Variants in RBM19 observed in about 807,000 individuals in gnomAD.
The protein encoded by RBM19 is RNA binding motif protein 19, also known as probable RNA-binding protein 19.
Under a neutral mutation model 116.8 loss-of-function variants are expected in RBM19, and 94 were observed. That is an observed-to-expected ratio of 0.80 (90% confidence interval 0.68 to 0.95). The LOEUF (loss-of-function observed/expected upper bound fraction) is 0.95. RBM19 is among the 40% of genes least tolerant of loss of function. The probability of loss-of-function intolerance (pLI) is 0.00; values close to 1 mark genes in which losing one functional copy is unlikely to be tolerated. For missense variants in RBM19, 1,161 were observed against 1,220.7 expected, an observed-to-expected ratio of 0.95 and a Z score of 0.73; for synonymous variants, 475 against 494.1, an observed-to-expected ratio of 0.96 and a Z score of 0.51.
intron 21 of RBM19, among the ~76,000 whole-genome samples, chr12:113,871,835 G>A (rs1261229496): frequency 3.3e-5 from 5 of 152,118 alleles, no homozygotes; most frequent in East Asian, 1.9e-4. Context: ...AGCGCCGCCC[G>A]GGAGGCAGCG....
chr12:113,886,667 GTTTTGTTTTTGCTTTTGT>G (rs1397376873), intron 21 of RBM19, among the ~76,000 whole-genome samples: 14 of 144,142 alleles, frequency 9.7e-5, no homozygotes, highest in African/African-American at 3.6e-4. Context: ...ATGCGGTTTT[GTTTTGTTTTTGCTTTTGT>G]TTTTGTTTTT....
At chr12:113,830,626 A>G (rs1256839731) in intron 23 of RBM19, among the ~76,000 whole-genome samples, 1 of 135,530 alleles carries the variant, frequency 7.4e-6, no homozygotes, top group Non-Finnish European at 1.5e-5. Context: ...TTGGTCCCAC[A>G]TGTTTGTATT....
intron 10 of RBM19, among the ~76,000 whole-genome samples, chr12:113,947,716 C>T (rs1339909554): frequency 1.3e-5 from 2 of 152,228 alleles, no homozygotes; most frequent in Admixed American, 6.5e-5. Flanking sequence ...TAAAACAGCA[C>T]AACAGTACCT....
At chr12:113,881,168 G>A (rs997818203) in intron 21 of RBM19, among the ~76,000 whole-genome samples, 6 of 152,146 alleles carry the variant, frequency 3.9e-5, no homozygotes, top group Non-Finnish European at 5.9e-5. Context: ...ACCCAGCCCC[G>A]ATAATGGCTT....
rs368228160 is a variant in RBM19 at position 113,950,090 on chromosome 12, C to T, written c.1065G>A (p.Glu355=). 1 of 1,605,584 alleles carries T rather than the reference C, an allele frequency of 6.2e-7. No individual in the cohort carries two copies. The highest frequency in any genetic ancestry group is 8.5e-7 in the Non-Finnish European group (1 of 1,172,340). The stretch of plus-strand genomic sequence containing the variant: ...TGGCCAGGGCTTCCTTACCCATGTA[C>T]TCCCGGTTGCATTTCAGAGCTTGCT... ...EVKQALKCNR[E]YMGGRYIEVF... is the part of the protein sequence containing the mutation. The change falls in exon 9 of 24, where the codon GAG becomes GAA. Residue 355 remains glutamate, a synonymous_variant. Transcript: ENST00000261741.
chr12:113,963,993 C>G (rs1462120069), intron 1 of RBM19, among the ~76,000 whole-genome samples: 3 of 152,224 alleles, frequency 2.0e-5, no homozygotes, highest in African/African-American at 7.2e-5. Flanking sequence ...GATAACCAAC[C>G]CTCACTGTGC....
At chr12:113,884,973 T>TC (rs1327285032) in intron 21 of RBM19, among the ~76,000 whole-genome samples, 2 of 152,260 alleles carry the variant, frequency 1.3e-5, no homozygotes. Flanking sequence ...GAAAAGCCCT[T>TC]CCCGGGGGAG....
intron 11 of RBM19, among the ~76,000 whole-genome samples, chr12:113,946,711 T>C (rs1341533870): frequency 6.6e-6 from 1 of 152,066 alleles, no homozygotes; most frequent in African/African-American, 2.4e-5. Flanking sequence ...GATCAGTGTA[T>C]AACCCCGCAC....
chr12:113,869,341 C>T (rs920580778), intron 21 of RBM19, among the ~76,000 whole-genome samples: 1 of 152,212 alleles, frequency 6.6e-6, no homozygotes, highest in African/African-American at 2.4e-5. Context: ...CATCTCTCAG[C>T]CAGACCCAGG....
intron 16 of RBM19, among the ~76,000 whole-genome samples, chr12:113,935,086 A>G (rs1333122933): frequency 6.6e-6 from 1 of 152,238 alleles, no homozygotes; most frequent in East Asian, 1.9e-4. Context: ...AGAAATTGTG[A>G]CAAGTGTTAG....
In RBM19 at chr12:113,823,194, C is replaced by T. The variant is rs377723790; in HGVS notation, c.*30G>A. 150 of 1,594,046 alleles carry T rather than the reference C, an allele frequency of 9.4e-5. 1 individual carries two copies. In the African/African-American group the frequency reaches 1.7e-3, roughly 18 times the overall value. ...GAGCGGCTGTCCCGGTCCCCAGGGC[C>T]CCGGAGCCACACACCCTCTCGGTGC... On this transcript the variant is annotated 3_prime_UTR_variant, in exon 24 of 24. Transcript: ENST00000261741.
At chr12:113,853,275 A>G (rs984395074) in intron 22 of RBM19, among the ~76,000 whole-genome samples, 4 of 152,340 alleles carry the variant, frequency 2.6e-5, no homozygotes, top group Middle Eastern at 6.8e-3. Context: ...GTTGTTTACC[A>G]CAGTGAGAAC....
intron 23 of RBM19, among the ~76,000 whole-genome samples, chr12:113,844,301 C>T (rs138030173): frequency 6.0e-4 from 91 of 152,346 alleles, no homozygotes; most frequent in African/African-American, 1.4e-3. Context: ...GGAATCTGAA[C>T]ACAGAGCACT....
chr12:113,928,417 TACACACAC>T (rs3066401), intron 16 of RBM19, among the ~76,000 whole-genome samples: 3,940 of 136,330 alleles, frequency 0.029, 179 homozygotes, highest in African/African-American at 0.099. Context: ...TACATGTGCA[TACACACAC>T]ACACACACAC....
At chr12:113,927,591 CAAAAAAAA>C (rs764020256) in intron 16 of RBM19, among the ~76,000 whole-genome samples, 1 of 63,060 alleles carries the variant, frequency 1.6e-5, no homozygotes, top group East Asian at 1.1e-3. Flanking sequence ...CCTCAAAAAA[CAAAAAAAA>C]AAAAACAAAA....
chr12:113,858,970 T>C lies in RBM19; in HGVS notation c.2559-74A>G. ...GGGAGGTCGGGAAGGCAGGACTGAT[T>C]CTCACATGTAAATCCCTTTGGGTTA... is the stretch of plus-strand genomic sequence containing the variant. On this transcript the variant is annotated intron_variant, in intron 21 of 23. Transcript: ENST00000261741. 6 of 1,324,820 alleles carry C rather than the reference T, an allele frequency of 4.5e-6. No homozygotes were observed. In the South Asian group the frequency reaches 7.2e-5, roughly 16 times the overall value. 82.1% of individuals were successfully genotyped at this position (1,324,820 alleles called of 1,614,324 possible).
At chr12:113,869,623 A>C (rs1160679257) in intron 21 of RBM19, among the ~76,000 whole-genome samples, 6 of 152,366 alleles carry the variant, frequency 3.9e-5, no homozygotes, top group Non-Finnish European at 2.9e-5. Flanking sequence ...AAATGTGGCC[A>C]GCCAGAGGTG....
chr12:113,918,358 C>A (rs754031143), intron 20 of RBM19, 34 bp downstream of exon 20: 1 of 1,612,792 alleles, frequency 6.2e-7, no homozygotes, highest in Admixed American at 1.7e-5. Flanking sequence ...AGCCCCAGCT[C>A]GTAGGAAAGG....
intron 18 of RBM19, among the ~76,000 whole-genome samples, chr12:113,923,458 G>C (rs1479645437): frequency 6.6e-6 from 1 of 152,148 alleles, no homozygotes; most frequent in Non-Finnish European, 1.5e-5. Flanking sequence ...CCCGGCAAAC[G>C]AATACAAGGG....
Sources: gnomAD v4.1 joint callset for allele counts (sites outside exome capture counted in the v4.1 genomes callset) on GRCh38, gnomAD v4.1.1 for gene constraint, MANE v1.5 for transcripts, NCBI Gene and HGNC (gene_info 2026-07-23, HGNC 2026-07-21) for gene names.